Variants in TMED10 observed in about 807,000 individuals in gnomAD.
TMED10 encodes the protein transmembrane p24 trafficking protein 10, also known as transmembrane emp24 domain-containing protein 10.
In TMED10, 7 loss-of-function variants were observed where a neutral mutation model predicts 23.1. The observed-to-expected ratio is 0.30, with a 90% CI of 0.17 to 0.57. The LOEUF is 0.57. Ranked by LOEUF, TMED10 falls within the 20% of genes least tolerant of loss-of-function variation. The probability of loss-of-function intolerance (pLI) is 0.91; values close to 1 mark genes in which losing one functional copy is unlikely to be tolerated. For missense variants in TMED10, 162 were observed against 274.8 expected (o/e 0.59, Z 2.90); for synonymous variants, 113 against 106.9 (o/e 1.06, Z -0.35).
intron 3 of TMED10, 138 bp from the exon 4 acceptor site, chr14:75,136,024 A>C: frequency 7.8e-7 from 1 of 1,277,384 alleles, no homozygotes; most frequent in South Asian, 1.4e-5. Flanking sequence ...CATATTTTAA[A>C]ATTTGGGCTT....
chr14:75,161,244 G>C (rs1896082201), intron 1 of TMED10, among the ~76,000 whole-genome samples: 1 of 152,176 alleles, frequency 6.6e-6, no homozygotes, highest in South Asian at 2.1e-4. Flanking sequence ...TGCCACTGAA[G>C]CCTGCTCTCA....
At chr14:75,137,708 CT>C (rs368437388) in intron 3 of TMED10, among the ~76,000 whole-genome samples, 57,747 of 130,440 alleles carry the variant, frequency 0.44, 13,885 homozygotes, top group East Asian at 0.83. Context: ...TTCTTTCTTT[CT>C]TTTTTTTTTT....
At chr14:75,169,834 G>T (rs1896209298) in intron 1 of TMED10, among the ~76,000 whole-genome samples, 1 of 152,118 alleles carries the variant, frequency 6.6e-6, no homozygotes, top group Non-Finnish European at 1.5e-5. Flanking sequence ...CCTAGAATGT[G>T]GCCTACCATA....
intron 1 of TMED10, among the ~76,000 whole-genome samples, chr14:75,159,798 T>C (rs769265402): frequency 3.9e-5 from 6 of 152,200 alleles, no homozygotes; most frequent in Non-Finnish European, 5.9e-5. Context: ...AATTGTCCTC[T>C]ACCACATTGT....
At chr14:75,151,975 A>C in intron 2 of TMED10, 57 bp downstream of exon 2, 1 of 1,424,952 alleles carries the variant, frequency 7.0e-7, no homozygotes, top group Admixed American at 1.7e-5. Flanking sequence ...GACTGTATTA[A>C]GGAGCATTAG....
Position 75,176,463 on chromosome 14 carries a change from G to A in TMED10, c.117C>T (p.Asn39=). The part of the protein sequence containing the change: ...VLAISFHLPI[N]SRKCLREEIH... ...TCTCCTCACGGAGGCACTTGCGAGA[G>A]TTAATGGGCAGATGGAAGGAGATGG... Residue 39 remains asparagine (N), a synonymous_variant, in exon 1 of 5, where the codon AAC becomes AAT. Coordinates refer to ENST00000303575, the MANE Select transcript of TMED10 (RefSeq NM_006827.6). 1 of 1,614,238 alleles carries A rather than the reference G, an allele frequency of 6.2e-7. No individual in the cohort carries two copies. Among genetic ancestry groups the A allele is most frequent in the Non-Finnish European group, 8.5e-7 (1 of 1,180,044 alleles).
chr14:75,175,784 C>T (rs1896297581), intron 1 of TMED10: 1 of 152,888 alleles, frequency 6.5e-6, no homozygotes, highest in African/African-American at 2.4e-5. Context: ...ATCTGTGACA[C>T]TTACTAGTTT....
intron 1 of TMED10, among the ~76,000 whole-genome samples, chr14:75,172,281 A>G (rs1304821146): frequency 6.6e-6 from 1 of 151,928 alleles, no homozygotes; most frequent in African/African-American, 2.4e-5. Flanking sequence ...GGATCATACT[A>G]TATGGACTGG....
intron 1 of TMED10, among the ~76,000 whole-genome samples, chr14:75,158,855 T>C (rs910527465): frequency 3.3e-5 from 5 of 152,078 alleles, no homozygotes; most frequent in African/African-American, 1.2e-4. Context: ...ACCCGGGAGA[T>C]GGAGGTTGTG....
In TMED10 at chr14:75,140,248, G is replaced by A. The variant is rs997049944; in HGVS notation, c.412-4362C>T. On this transcript the variant is annotated intron_variant, in intron 3 of 4. Transcript: ENST00000303575. ...CCCAAGTAGCTGGGATTACAGGCAC[G>A]TGCCACCACGCCCAGCTAATTTTTG... is the stretch of plus-strand genomic sequence containing the variant. Among the ~76,000 whole-genome samples, 5 of 152,022 alleles carry A rather than the reference G, an allele frequency of 3.3e-5. No homozygotes were observed. The South Asian group carries it at 8.3e-4, about 25-fold the overall frequency.
At chr14:75,151,979 GCAT>G in intron 2 of TMED10, 50 bp downstream of exon 2, 1 of 1,441,710 alleles carries the variant, frequency 6.9e-7, no homozygotes. Context: ...GTATTAAGGA[GCAT>G]TAGAGTTGGA....
At chr14:75,153,166 C>T (rs1004749119) in intron 1 of TMED10, among the ~76,000 whole-genome samples, 3 of 150,836 alleles carry the variant, frequency 2.0e-5, no homozygotes, top group Admixed American at 6.6e-5. Flanking sequence ...CTCATCTCTA[C>T]AAAAAATACA....
intron 1 of TMED10, among the ~76,000 whole-genome samples, chr14:75,164,328 T>A (rs947642143): frequency 1.3e-5 from 2 of 150,264 alleles, no homozygotes; most frequent in Non-Finnish European, 3.0e-5. Context: ...ACCTCCGGGT[T>A]CAAGCAATTC....
At chr14:75,136,422 G>A (rs1895750428) in intron 3 of TMED10, among the ~76,000 whole-genome samples, 1 of 152,214 alleles carries the variant, frequency 6.6e-6, no homozygotes, top group African/African-American at 2.4e-5. Flanking sequence ...GCCTCCCAAA[G>A]TGTTGGGACT....
chr14:75,145,164 A>G (rs1895867143), intron 3 of TMED10, among the ~76,000 whole-genome samples: 2 of 152,166 alleles, frequency 1.3e-5, no homozygotes, highest in Non-Finnish European at 2.9e-5. Context: ...AGAACCTTGG[A>G]GCTGTGTTGT....
chr14:75,162,964 T>C (rs1388309777), intron 1 of TMED10, among the ~76,000 whole-genome samples: 1 of 152,034 alleles, frequency 6.6e-6, no homozygotes, highest in African/African-American at 2.4e-5. Flanking sequence ...CCAGGCCCAC[T>C]GGCTCACACC....
At chr14:75,148,357 G>C (rs1014528614) in intron 2 of TMED10, among the ~76,000 whole-genome samples, 1 of 151,098 alleles carries the variant, frequency 6.6e-6, no homozygotes, top group African/African-American at 2.4e-5. Flanking sequence ...CAATGTCATA[G>C]AGCTATTCCC....
chr14:75,164,814 C>CA lies in TMED10; in HGVS notation c.225+11540dup, dbSNP rs770775529. Among the ~76,000 whole-genome samples, 25 of 149,096 alleles carry CA rather than the reference C, an allele frequency of 1.7e-4. No homozygotes were observed. In the East Asian group the frequency reaches 4.9e-3, roughly 29 times the overall value. ...ACTAAATCCAGGGATGATTAGGGCCCAAATGGCTATTGCATGGAAACAGAG... is the reference window on the plus strand; with the variant it reads ...ACTAAATCCAGGGATGATTAGGGCCCAAAATGGCTATTGCATGGAAACAGAG... On this transcript the variant is annotated intron_variant, in intron 1 of 4. Transcript: ENST00000303575.
intron 2 of TMED10, 120 bp downstream of exon 2, chr14:75,151,912 G>A (rs1438583816): frequency 4.7e-6 from 4 of 854,334 alleles, no homozygotes; most frequent in Non-Finnish European, 5.3e-6. Flanking sequence ...AAGGTAACAG[G>A]TCTCCAAATC....
Sources: gnomAD v4.1 joint callset for allele counts (sites outside exome capture counted in the v4.1 genomes callset) on GRCh38, gnomAD v4.1.1 for gene constraint, MANE v1.5 for transcripts, NCBI Gene and HGNC (gene_info 2026-07-23, HGNC 2026-07-21) for gene names.